ERICH6: variants seen among roughly 807,000 people sequenced by gnomAD.
ERICH6 encodes the protein glutamate-rich protein 6.
A neutral mutation model predicts 71.0 loss-of-function variants in ERICH6; 71 were observed. The ratio of observed to expected loss-of-function variants is 1.00; its 90% confidence interval spans 0.83 to 1.22. The LOEUF is 1.22. Among genes scored for constraint, ERICH6 ranks in the 50% most tolerant of loss-of-function variants. ERICH6 has a pLI of 0.00. For synonymous variants in ERICH6, 262 were observed against 278.4 expected (o/e 0.94, Z 0.59); for missense variants, 808 against 797.2 (o/e 1.01, Z -0.16).
rs750120640 is a variant in ERICH6, at chr3:150,682,939, C to T, written c.784-623G>A. ...AGGGAGAGATTGGGAGTTAGGGGCT[C>T]AGCTGACTCAATGTGGAGTGGCCAT... On this transcript the variant is annotated intron_variant, in intron 6 of 13. Transcript: ENST00000295910. Among the ~76,000 whole-genome samples the T allele has an allele frequency of 3.9e-4, 60 of 152,070 alleles. 1 individual carries two copies. The highest frequency in any genetic ancestry group is 1.0e-4 in the Non-Finnish European group (7 of 68,030).
chr3:150,694,271 G>T (rs553309672), intron 3 of ERICH6, among the ~76,000 whole-genome samples: 1 of 151,732 alleles, frequency 6.6e-6, no homozygotes, highest in Non-Finnish European at 1.5e-5. Context: ...ATTATTATTT[G>T]GTGTGTTTCA....
intron 10 of ERICH6, among the ~76,000 whole-genome samples, chr3:150,675,542 T>A (rs1711618468): frequency 1.3e-5 from 2 of 152,062 alleles, no homozygotes; most frequent in Non-Finnish European, 2.9e-5. Flanking sequence ...AGAGATGGGG[T>A]TTCACCATGT....
Position 150,703,495 on chromosome 3 carries a change from C to G in ERICH6, c.403+1G>C, listed in dbSNP as rs138086765. Reference sequence around the variant, plus strand: ...AGGAAGGGGTGGGTCGGGGGCGGTACTTTTATGCGAGGAGGTGCTGGAGGG... The same window carrying G: ...AGGAAGGGGTGGGTCGGGGGCGGTAGTTTTATGCGAGGAGGTGCTGGAGGG... On this transcript the variant is annotated splice_donor_variant, in intron 1 of 13. Coordinates refer to ENST00000295910, the MANE Select transcript of ERICH6 (RefSeq NM_152394.5). LOFTEE classifies it high-confidence loss of function. 2 of 1,587,860 alleles carry G rather than the reference C, an allele frequency of 1.3e-6. No individual in the cohort carries two copies. Among genetic ancestry groups the G allele is most frequent in the Non-Finnish European group, 1.7e-6 (2 of 1,166,912 alleles).
In ERICH6 at chr3:150,703,638, G is replaced by A; in HGVS notation, c.261C>T (p.Tyr87=). 1 of 1,613,984 alleles carries A rather than the reference G, an allele frequency of 6.2e-7. No homozygotes were observed. The highest frequency in any genetic ancestry group is 8.5e-7 in the Non-Finnish European group (1 of 1,179,972). The change falls in exon 1 of 14, where the codon TAC becomes TAT. Residue 87 remains tyrosine (Y), a synonymous_variant. Transcript: ENST00000295910. ...GGCGCACGTCTGGGAAGTCGTCGTC[G>A]TAGTCACCGATGTCCGTGACCTTCC... The part of the protein sequence containing the change: ...YLWKVTDIGD[Y]DDDFPDVRPR...
At chr3:150,665,190 A>G (rs1727362169) in intron 13 of ERICH6, among the ~76,000 whole-genome samples, 2 of 152,192 alleles carry the variant, frequency 1.3e-5, no homozygotes, top group Non-Finnish European at 2.9e-5. Flanking sequence ...GGAACTGGAA[A>G]AGTGCTTAGC....
chr3:150,668,517 A>G (rs961058397), intron 12 of ERICH6, among the ~76,000 whole-genome samples: 2 of 152,202 alleles, frequency 1.3e-5, no homozygotes, highest in African/African-American at 2.4e-5. Context: ...AAAGTTTCCA[A>G]TATACATGGT....
intron 13 of ERICH6, among the ~76,000 whole-genome samples, chr3:150,663,734 T>C (rs779257487): frequency 2.8e-4 from 42 of 152,188 alleles, no homozygotes; most frequent in Non-Finnish European, 5.0e-4. Flanking sequence ...CGTCACAGCC[T>C]CCCAAAGTGC....
chr3:150,678,417 A>G lies in ERICH6; in HGVS notation c.1249T>C (p.Cys417Arg), dbSNP rs1711745228. 3 of 1,568,142 alleles carry G rather than the reference A, an allele frequency of 1.9e-6. No homozygotes were observed. The highest frequency in any genetic ancestry group is 2.6e-6 in the Non-Finnish European group (3 of 1,165,420). ...SIICCDSRIA[C>R]GKVVRNELLE... ...AATTACAAGTTCATTACCTTTCCAC[A>G]TGCTATCCGAGAATCACAACAAATG... Residue 417 changes from cysteine (C) to arginine (R), a missense_variant, in exon 10 of 14, where the codon TGT becomes CGT. Around this residue, in one of 3 missense-constraint regions of ERICH6, gnomAD observed 736 missense variants for 712.2 expected, o/e 1.03. Coordinates refer to ENST00000295910, the MANE Select transcript of ERICH6 (RefSeq NM_152394.5).
intron 3 of ERICH6, among the ~76,000 whole-genome samples, chr3:150,689,972 T>C (rs904239752): frequency 2.0e-5 from 3 of 152,188 alleles, no homozygotes; most frequent in Admixed American, 2.0e-4. Context: ...TACTCTTGGG[T>C]TTTTTAAGAC....
At chr3:150,678,960 C>T (rs1346073498) in intron 9 of ERICH6, among the ~76,000 whole-genome samples, 2 of 143,634 alleles carry the variant, frequency 1.4e-5, no homozygotes, top group Non-Finnish European at 3.0e-5. Context: ...AAAATTGAAC[C>T]GGGAGGCAGA....
chr3:150,684,021 G>GACATCCCTC (rs1712079137), intron 6 of ERICH6, among the ~76,000 whole-genome samples: 1 of 152,170 alleles, frequency 6.6e-6, no homozygotes, highest in Non-Finnish European at 1.5e-5. Flanking sequence ...TGCGGGAGGC[G>GACATCCCTC]AGTATAACCT....
intron 10 of ERICH6, 107 bp downstream of exon 10, chr3:150,678,302 C>G (rs1711738925): frequency 9.4e-7 from 1 of 1,067,566 alleles, no homozygotes; most frequent in Middle Eastern, 2.2e-4. Context: ...TTCTTTTTGA[C>G]AACTAGTTAA....
rs1366448434 is a variant in ERICH6, at chr3:150,680,904, A to G, written c.909T>C (p.Asn303=). The part of the protein sequence containing the change: ...GHASCCIAFQ[N]LIDYIYEEQI... ...GCTCCTCATAGATATAGTCAATCAG[A>G]TTTTGGAAAGCAATACAACAGGAGG... The change falls in exon 8 of 14, where the codon AAT becomes AAC. Residue 303 remains asparagine, a synonymous_variant. Coordinates refer to ENST00000295910, the MANE Select transcript of ERICH6 (RefSeq NM_152394.5). 4.3e-6 allele frequency: 7 copies of G among 1,611,624 alleles called. No homozygotes were observed. Among genetic ancestry groups the G allele is most frequent in the Non-Finnish European group, 5.9e-6 (7 of 1,179,354 alleles).
At chr3:150,665,900 C>A (rs1486989445) in intron 13 of ERICH6, among the ~76,000 whole-genome samples, 1 of 151,648 alleles carries the variant, frequency 6.6e-6, no homozygotes, top group East Asian at 1.9e-4. Context: ...AAGTCACACA[C>A]TATATGTGTT....
chr3:150,685,752 A>G lies in ERICH6; in HGVS notation c.773T>C (p.Ile258Thr), dbSNP rs773696172. 7.4e-6 allele frequency: 12 copies of G among 1,611,804 alleles called. No individual in the cohort carries two copies. Among genetic ancestry groups the G allele is most frequent in the Admixed American group, 1.7e-5 (1 of 59,640 alleles). The change falls in exon 6 of 14, where the codon ATT (isoleucine) becomes ACT (threonine). Residue 258 changes from isoleucine to threonine, a missense_variant. Ile to Thr is a moderately conservative substitution (Grantham distance 89). Transcript: ENST00000295910. ...ATGAATTAAAGTCACCTTGAAGTTAATGCCTAAATTGGAGCTCTCTTCTTT... is the reference window on the plus strand; with the variant it reads ...ATGAATTAAAGTCACCTTGAAGTTAGTGCCTAAATTGGAGCTCTCTTCTTT... ...AYKEESSNLG[I>T]NFKDEEEETS... is the part of the protein sequence containing the mutation.
intron 4 of ERICH6, 28 bp from the exon 5 acceptor site, chr3:150,686,049 A>G (rs1402480793): frequency 6.4e-7 from 1 of 1,566,178 alleles, no homozygotes; most frequent in Non-Finnish European, 8.8e-7. Flanking sequence ...ATTCATAAGA[A>G]ATGTTTAAAG....
At chr3:150,679,770 G>A (rs1711822119) in intron 9 of ERICH6, among the ~76,000 whole-genome samples, 1 of 151,960 alleles carries the variant, frequency 6.6e-6, no homozygotes, top group Non-Finnish European at 1.5e-5. Context: ...TGATTCTCCT[G>A]CCTCAGCCTC....
intron 6 of ERICH6, among the ~76,000 whole-genome samples, chr3:150,682,656 G>A (rs1056672917): frequency 5.3e-5 from 8 of 152,192 alleles, no homozygotes; most frequent in Admixed American, 4.6e-4. Context: ...AATGTGTAGT[G>A]TGTACCTAGA....
At chr3:150,673,691 T>A (rs566804443) in intron 11 of ERICH6, among the ~76,000 whole-genome samples, 1 of 152,282 alleles carries the variant, frequency 6.6e-6, no homozygotes, top group South Asian at 2.1e-4. Context: ...TGAGCCCAGA[T>A]GATCCTTCTA....
Sources: allele counts gnomAD v4.1 joint callset (sites outside exome capture counted in the v4.1 genomes callset), GRCh38; gene constraint gnomAD v4.1.1; regional missense constraint gnomAD v4.1.1; transcripts MANE v1.5; gene names NCBI Gene and HGNC (gene_info 2026-07-23, HGNC 2026-07-21).